Variants in AKAP10 observed in about 807,000 individuals in gnomAD.
The protein encoded by AKAP10 is A-kinase anchor protein 10, mitochondrial.
In AKAP10, 24 loss-of-function variants were observed where a neutral mutation model predicts 80.8. The ratio of observed to expected loss-of-function variants is 0.30; its 90% confidence interval spans 0.22 to 0.42. AKAP10 has a LOEUF of 0.42. Among genes scored for constraint, AKAP10 ranks in the 10% least tolerant of loss-of-function variants. The pLI, the probability that AKAP10 is intolerant of heterozygous loss-of-function variation, is 1.00. For missense variants in AKAP10, 661 were observed against 794.9 expected, an observed-to-expected ratio of 0.83 and a Z score of 2.03; for synonymous variants, 291 against 277.7, an observed-to-expected ratio of 1.05 and a Z score of -0.48.
rs74255383 is a variant in AKAP10, at chr17:19,943,639, T to A, written c.977-1729A>T. On this transcript the variant is annotated intron_variant, in intron 5 of 14. Coordinates refer to ENST00000225737, the MANE Select transcript of AKAP10 (RefSeq NM_007202.4). The stretch of plus-strand genomic sequence containing the variant: ...CCTTTATAATAAATGGGTAAATATA[T>A]GTAAAGCATTTCCCTGAGTTCTGAG... Among the ~76,000 whole-genome samples the A allele has an allele frequency of 5.3e-3, 809 of 152,330 alleles. 15 individuals are homozygous for A. The East Asian group carries it at 0.074, about 14-fold the overall frequency.
At chr17:19,908,820 C>T (rs760820240) in intron 14 of AKAP10, among the ~76,000 whole-genome samples, 58 of 152,034 alleles carry the variant, frequency 3.8e-4, no homozygotes, top group Admixed American at 5.9e-4. Flanking sequence ...AGGGTTTCAC[C>T]ATGTTGGCCA....
intron 4 of AKAP10, among the ~76,000 whole-genome samples, chr17:19,950,454 C>T (rs1157179129): frequency 2.0e-5 from 3 of 152,222 alleles, no homozygotes; most frequent in Non-Finnish European, 2.9e-5. Flanking sequence ...GGATTGCAGG[C>T]GCACGCCGCC....
At chr17:19,946,240 TATATA>T (rs2043115357) in intron 5 of AKAP10, among the ~76,000 whole-genome samples, 72 of 14,572 alleles carry the variant, frequency 4.9e-3, no homozygotes, top group South Asian at 8.4e-3. Context: ...ATATATATTA[TATATA>T]TATATATATA....
chr17:19,934,050 T>C (rs112893843), intron 9 of AKAP10, among the ~76,000 whole-genome samples: 14,413 of 152,058 alleles, frequency 0.095, 784 homozygotes, highest in Non-Finnish European at 0.12. Context: ...GCCTCCTAAG[T>C]AGCTGGGATT....
chr17:19,942,550 G>C (rs2043060864), intron 5 of AKAP10, among the ~76,000 whole-genome samples: 1 of 152,084 alleles, frequency 6.6e-6, no homozygotes, highest in African/African-American at 2.4e-5. Context: ...CTTTCAATGA[G>C]CAATTCTATT....
At position 19,909,120 on chromosome 17, in the gene AKAP10, T is replaced by C. The variant is rs1597485820; in HGVS notation, c.1983+61A>G. 1.2e-5 allele frequency: 18 copies of C among 1,463,536 alleles called. 1 individual carries two copies. In the South Asian group the frequency reaches 2.2e-4, roughly 18 times the overall value. The allele number at this position is 1,463,536 out of a possible 1,614,324, so 90.7% of individuals were successfully genotyped here. A position where few individuals can be genotyped will look rare whatever the true frequency, so the allele number is the denominator to read the frequency against. On this transcript the variant is annotated intron_variant, in intron 14 of 14. Transcript: ENST00000225737. ...AGGCAAAGAAACCCCTTATGTTCTT[T>C]TTTATTTTTACACCTGGAAAATAAT...
intron 8 of AKAP10, among the ~76,000 whole-genome samples, chr17:19,937,485 G>C (rs2043004429): frequency 6.6e-6 from 1 of 152,136 alleles, no homozygotes; most frequent in Admixed American, 6.5e-5. Flanking sequence ...CTGGGTGACA[G>C]AGCAAGACTC....
intron 2 of AKAP10, 142 bp downstream of exon 2, chr17:19,968,272 G>A (rs1044048398): frequency 4.7e-5 from 29 of 612,506 alleles, no homozygotes; most frequent in South Asian, 3.4e-4. Flanking sequence ...GTTAAAGAGG[G>A]AAATAAATCA....
At chr17:19,917,472 T>G (rs375757641) in intron 12 of AKAP10, among the ~76,000 whole-genome samples, 10 of 152,214 alleles carry the variant, frequency 6.6e-5, no homozygotes, top group African/African-American at 2.4e-4. Context: ...TTAAAAAAAT[T>G]GTGTTTTGTT....
At chr17:19,940,146 A>C (rs945271018) in intron 7 of AKAP10, among the ~76,000 whole-genome samples, 2 of 152,250 alleles carry the variant, frequency 1.3e-5, no homozygotes, top group African/African-American at 4.8e-5. Context: ...CCTTGCCAGC[A>C]AACATATAAA....
intron 8 of AKAP10, among the ~76,000 whole-genome samples, chr17:19,938,098 G>A (rs1383458320): frequency 1.4e-5 from 2 of 145,546 alleles, no homozygotes; most frequent in Non-Finnish European, 3.0e-5. Flanking sequence ...TTAATTTTTT[G>A]TAGTTTCTAG....
chr17:19,923,128 A>C (rs1310404924), intron 11 of AKAP10, among the ~76,000 whole-genome samples: 1 of 152,106 alleles, frequency 6.6e-6, no homozygotes, highest in Non-Finnish European at 1.5e-5. Context: ...CGCAGGCTGC[A>C]GTGCAATGGT....
chr17:19,926,819 T>C (rs1373497135), intron 10 of AKAP10, among the ~76,000 whole-genome samples: 1 of 152,178 alleles, frequency 6.6e-6, no homozygotes, highest in Non-Finnish European at 1.5e-5. Flanking sequence ...AAGACAATAC[T>C]GTTAAGAAGG....
At chr17:19,936,708 C>CA (rs2042996470) in intron 8 of AKAP10, among the ~76,000 whole-genome samples, 1 of 152,190 alleles carries the variant, frequency 6.6e-6, no homozygotes, top group African/African-American at 2.4e-5. Context: ...GATCAGACTA[C>CA]AACTGAGGCA....
At chr17:19,946,243 A>AT (rs2043116205) in intron 5 of AKAP10, among the ~76,000 whole-genome samples, 1 of 11,958 alleles carries the variant, frequency 8.4e-5, no homozygotes, top group Non-Finnish European at 1.3e-4. Context: ...TATATTATAT[A>AT]TATATATATA....
chr17:19,962,701 T>C (rs2043367732), intron 3 of AKAP10, 139 bp downstream of exon 3: 3 of 850,950 alleles, frequency 3.5e-6, no homozygotes, highest in Non-Finnish European at 5.4e-6. Context: ...AGCTACCCAT[T>C]ATACTTGTAG....
intron 4 of AKAP10, among the ~76,000 whole-genome samples, 169 bp from the exon 5 acceptor site, chr17:19,947,674 T>C (rs1262819664): frequency 9.2e-5 from 14 of 152,128 alleles, no homozygotes; most frequent in Admixed American, 2.0e-4. Flanking sequence ...GAGAGTTACA[T>C]GGGGGTGTTC....
chr17:19,920,014 G>C, intron 12 of AKAP10, 22 bp downstream of exon 12: 1 of 1,586,034 alleles, frequency 6.3e-7, no homozygotes, highest in South Asian at 1.1e-5. Context: ...GGCTTAATAT[G>C]AAGTATAAAA....
Position 19,931,934 on chromosome 17 carries a change from A to G in AKAP10, c.1512T>C (p.Tyr504=). Reference sequence around the variant, plus strand: ...GAACCGAATGGATGAGATCATTCAAATATTTATAATAAAGATTGCTGGACA... The same window carrying G: ...GAACCGAATGGATGAGATCATTCAAGTATTTATAATAAAGATTGCTGGACA... ...GFLSSNLYYK[Y]LNDLIHSVRG... Residue 504 remains tyrosine, a synonymous_variant, in exon 10 of 15, where the codon TAT becomes TAC. Transcript: ENST00000225737. 12 of 1,614,046 alleles carry G rather than the reference A, an allele frequency of 7.4e-6. No individual in the cohort carries two copies. Among genetic ancestry groups the G allele is most frequent in the Non-Finnish European group, 1.0e-5 (12 of 1,179,994 alleles).
Sources: gnomAD v4.1 joint callset for allele counts (sites outside exome capture counted in the v4.1 genomes callset) on GRCh38, gnomAD v4.1.1 for gene constraint, MANE v1.5 for transcripts, NCBI Gene and HGNC (gene_info 2026-07-23, HGNC 2026-07-21) for gene names.